Variants in QTMAN observed in about 807,000 individuals in gnomAD.
The protein encoded by QTMAN is queuosine-tRNA mannosyltransferase.
the QTMAN span, among the ~76,000 whole-genome samples, chr2:143,971,383 T>G: frequency 6.6e-6 from 1 of 152,142 alleles, no homozygotes; most frequent in Non-Finnish European, 1.5e-5. Flanking sequence ...AGTATTAACT[T>G]AGGAGTGGAG....
the QTMAN span, among the ~76,000 whole-genome samples, chr2:144,173,998 G>C: frequency 3.9e-5 from 6 of 152,108 alleles, no homozygotes; most frequent in African/African-American, 1.4e-4. Flanking sequence ...CAGATGTTGG[G>C]GGAATACTTC....
At chr2:143,954,552 A>G in the QTMAN span, among the ~76,000 whole-genome samples, 1 of 152,024 alleles carries the variant, frequency 6.6e-6, no homozygotes, top group Admixed American at 6.5e-5. Flanking sequence ...AAAAATTTAC[A>G]AATTTTGGAT....
chr2:144,050,846 A>T, the QTMAN span, among the ~76,000 whole-genome samples: 1 of 152,022 alleles, frequency 6.6e-6, no homozygotes, highest in Admixed American at 6.6e-5. Context: ...TTTTTTAGGG[A>T]ATTATGACAA....
the QTMAN span, among the ~76,000 whole-genome samples, chr2:144,037,900 T>C: frequency 6.6e-6 from 1 of 152,214 alleles, no homozygotes; most frequent in African/African-American, 2.4e-5. Flanking sequence ...TAGATGATTA[T>C]AGGAGAAAAA....
the QTMAN span, among the ~76,000 whole-genome samples, chr2:143,996,806 G>A: frequency 5.3e-5 from 8 of 151,954 alleles, no homozygotes; most frequent in East Asian, 1.9e-4. Flanking sequence ...CATATACACC[G>A]AACCACTAAT....
the QTMAN span, among the ~76,000 whole-genome samples, chr2:143,999,660 A>G: frequency 1.6e-4 from 25 of 152,126 alleles, no homozygotes; most frequent in African/African-American, 6.0e-4. Context: ...TTCCCAACTC[A>G]CCCACCCCTG....
At chr2:144,308,791 A>AAAAG in the QTMAN span, among the ~76,000 whole-genome samples, 1 of 152,198 alleles carries the variant, frequency 6.6e-6, no homozygotes, top group Admixed American at 6.5e-5. Context: ...TTACCAAAAA[A>AAAAG]AAAGAAAGAA....
At chr2:144,205,180 C>A in the QTMAN span, among the ~76,000 whole-genome samples, 1 of 152,076 alleles carries the variant, frequency 6.6e-6, no homozygotes, top group Non-Finnish European at 1.5e-5. Flanking sequence ...AGTATATAGT[C>A]TTTGCAGGTG....
At chr2:144,102,822 A>C in the QTMAN span, among the ~76,000 whole-genome samples, 1 of 152,234 alleles carries the variant, frequency 6.6e-6, no homozygotes, top group Non-Finnish European at 1.5e-5. Context: ...AAAATTAAGC[A>C]GTAGAATCCT....
chr2:144,133,346 A>G, the QTMAN span, among the ~76,000 whole-genome samples: 5 of 39,280 alleles, frequency 1.3e-4, no homozygotes, highest in African/African-American at 4.8e-4. Context: ...AATATATATT[A>G]TATATGTATA....
the QTMAN span, chr2:144,128,183 T>G: frequency 6.6e-6 from 1 of 152,048 alleles, no homozygotes; most frequent in Admixed American, 6.6e-5. Context: ...TTGTACATAA[T>G]ACTGATTCAC....
the QTMAN span, among the ~76,000 whole-genome samples, chr2:144,022,861 T>C: frequency 6.6e-6 from 1 of 152,132 alleles, no homozygotes; most frequent in African/African-American, 2.4e-5. Context: ...TAATCCTCTC[T>C]TTATCAATTC....
At chr2:144,195,690 G>T in the QTMAN span, among the ~76,000 whole-genome samples, 1 of 152,070 alleles carries the variant, frequency 6.6e-6, no homozygotes, top group East Asian at 1.9e-4. Context: ...CAAAATCAAA[G>T]AAATGGTTAC....
the QTMAN span, among the ~76,000 whole-genome samples, chr2:144,133,343 A>G: frequency 4.6e-5 from 2 of 43,816 alleles, no homozygotes; most frequent in African/African-American, 1.4e-4. Flanking sequence ...ATAAATATAT[A>G]TTATATATGT....
At chr2:144,100,273 A>G in the QTMAN span, among the ~76,000 whole-genome samples, 3 of 152,222 alleles carry the variant, frequency 2.0e-5, no homozygotes. Context: ...CACGTGTTTC[A>G]AAGCATTTAA....
the QTMAN span, among the ~76,000 whole-genome samples, chr2:144,329,012 A>G: frequency 1.3e-5 from 2 of 152,042 alleles, no homozygotes; most frequent in Non-Finnish European, 2.9e-5. Flanking sequence ...TAATCCCAAC[A>G]CTTTGGGAAG....
chr2:144,185,804 G>A, the QTMAN span, among the ~76,000 whole-genome samples: 1 of 152,176 alleles, frequency 6.6e-6, no homozygotes, highest in Non-Finnish European at 1.5e-5. Context: ...GTAAAAGTCT[G>A]TAGGAGAAAA....
the QTMAN span, among the ~76,000 whole-genome samples, chr2:144,053,797 G>C: frequency 1.3e-5 from 2 of 152,068 alleles, no homozygotes; most frequent in African/African-American, 2.4e-5. Context: ...GCATATTCAG[G>C]AGCCTTAAGT....
the QTMAN span, among the ~76,000 whole-genome samples, chr2:144,326,545 C>CCACTG: frequency 8.0e-5 from 12 of 149,634 alleles, no homozygotes; most frequent in African/African-American, 2.7e-4. Context: ...CGAGATTGCG[C>CCACTG]CACTGCACTC....
Sources: gnomAD v4.1 joint callset for allele counts (sites outside exome capture counted in the v4.1 genomes callset) on GRCh38, gnomAD v4.1.1 for gene constraint, MANE v1.5 for transcripts, NCBI Gene and HGNC (gene_info 2026-07-23, HGNC 2026-07-21) for gene names.